MRPS27: variants seen among roughly 807,000 people sequenced by gnomAD.
The protein encoded by MRPS27 is small ribosomal subunit protein mS27.
A neutral mutation model predicts 48.9 loss-of-function variants in MRPS27; 43 were observed. That is an observed-to-expected ratio of 0.88 (90% CI 0.69 to 1.13). The LOEUF (loss-of-function observed/expected upper bound fraction) is 1.13, where lower values mean the gene tolerates loss of function less well. MRPS27 is among the 50% of genes most tolerant of loss of function. The pLI is 0.00. For synonymous variants in MRPS27, 188 were observed against 171.9 expected (o/e 1.09, Z -0.73); for missense variants, 467 against 476.3 (o/e 0.98, Z 0.18).
chr5:72,311,014 T>C lies in MRPS27; in HGVS notation c.151+3067A>G, dbSNP rs548866702. 2.4e-3 allele frequency among the ~76,000 whole-genome samples: 358 copies of C among 152,044 alleles called. 1 individual carries two copies. The highest frequency in any genetic ancestry group is 8.3e-3 in the African/African-American group (345 of 41,474). On this transcript the variant is annotated intron_variant, in intron 2 of 10. Transcript: ENST00000261413. The stretch of plus-strand genomic sequence containing the variant: ...GGAATATTCTATTTAAAAAAAGAGA[T>C]TGGGTTCTTTAAAAATATATAGGAC...
chr5:72,319,964 A>T (rs1366884394), intron 1 of MRPS27, 185 bp downstream of exon 1: 21 of 640,728 alleles, frequency 3.3e-5, no homozygotes, highest in Non-Finnish European at 5.3e-5. Flanking sequence ...GGACAGGAAC[A>T]TACTGTTATT....
Position 72,261,152 on chromosome 5 carries a change from T to C in MRPS27, c.282-23024A>G, listed in dbSNP as rs529553780. 1.1e-4 allele frequency among the ~76,000 whole-genome samples: 16 copies of C among 152,272 alleles called. No individual in the cohort carries two copies. In the South Asian group the frequency reaches 3.3e-3, roughly 32 times the overall value. ...TGCTGGGATTACAGGTGTGAGCCACTGCAACTGGCCAATCACTACATTTAA... is the reference window on the plus strand; with the variant it reads ...TGCTGGGATTACAGGTGTGAGCCACCGCAACTGGCCAATCACTACATTTAA... On this transcript the variant is annotated intron_variant, in intron 4 of 10. Coordinates refer to ENST00000261413, the MANE Select transcript of MRPS27 (RefSeq NM_015084.3).
intron 4 of MRPS27, among the ~76,000 whole-genome samples, chr5:72,269,564 G>C (rs62364774): frequency 0.23 from 35,383 of 152,218 alleles, 5,247 homozygotes; most frequent in Non-Finnish European, 0.33. Context: ...ATCAGTGGAA[G>C]AGCAGAGAAA....
Position 72,266,988 on chromosome 5 carries a change from C to A in MRPS27, c.281+28543G>T. 1.3e-5 allele frequency among the ~76,000 whole-genome samples: 2 copies of A among 152,162 alleles called. 1 individual carries two copies. Among genetic ancestry groups the A allele is most frequent in the Non-Finnish European group, 2.9e-5 (2 of 68,022 alleles). On this transcript the variant is annotated intron_variant, in intron 4 of 10. Coordinates refer to ENST00000261413, the MANE Select transcript of MRPS27 (RefSeq NM_015084.3). ...AATCTTCCCAAAGTGAGGCTCAGGG[C>A]TTCAGAGATGGCTATCTACAGAGCA... is the stretch of plus-strand genomic sequence containing the variant.
At chr5:72,319,537 C>CTTTT (rs35020848) in intron 1 of MRPS27, among the ~76,000 whole-genome samples, 7 of 84,214 alleles carry the variant, frequency 8.3e-5, no homozygotes, top group South Asian at 4.1e-4. Flanking sequence ...TAGGTTTTTC[C>CTTTT]TTTTTTTTTT....
intron 4 of MRPS27, among the ~76,000 whole-genome samples, chr5:72,283,611 G>A (rs1296240525): frequency 6.6e-6 from 1 of 152,146 alleles, no homozygotes; most frequent in East Asian, 1.9e-4. Flanking sequence ...AAGACCCAAT[G>A]GGTATGTTTT....
intron 2 of MRPS27, among the ~76,000 whole-genome samples, chr5:72,305,280 G>A (rs1407710162): frequency 1.3e-5 from 2 of 152,142 alleles, no homozygotes; most frequent in African/African-American, 4.8e-5. Flanking sequence ...ATGAATAGAT[G>A]CCACAGAGAT....
intron 4 of MRPS27, 72 bp from the exon 5 acceptor site, chr5:72,238,200 T>G (rs1748255631): frequency 2.0e-6 from 2 of 1,000,548 alleles, no homozygotes; most frequent in African/African-American, 3.2e-5. Context: ...CATCGATAGG[T>G]CCTTCTCTTA....
At chr5:72,237,137 G>A (rs571734255) in intron 5 of MRPS27, among the ~76,000 whole-genome samples, 2 of 151,978 alleles carry the variant, frequency 1.3e-5, no homozygotes, top group Admixed American at 6.6e-5. Flanking sequence ...CATGTGCCAC[G>A]GTGCCTGGCC....
intron 4 of MRPS27, among the ~76,000 whole-genome samples, chr5:72,283,564 T>G (rs769387254): frequency 6.6e-6 from 1 of 152,194 alleles, no homozygotes; most frequent in African/African-American, 2.4e-5. Flanking sequence ...AGAGGTCATC[T>G]GGTCTAAAAT....
In MRPS27 at chr5:72,255,061, C is replaced by CAA. The variant is rs1204554141; in HGVS notation, c.282-16934_282-16933insTT. Among the ~76,000 whole-genome samples the CAA allele has an allele frequency of 3.9e-4, 35 of 88,874 alleles. 1 individual carries two copies. The East Asian group carries it at 0.012, about 30-fold the overall frequency. The allele number at this position is 88,874 out of a possible 152,430, so 58.3% of individuals were successfully genotyped here. A position where few individuals can be genotyped will look rare whatever the true frequency, so the allele number is the denominator to read the frequency against. Reference sequence around the variant, plus strand: ...TTTTTTTTTTTTTTTTTTTTTGAGACAGAGTCTTACTCTGTTGCCCAGGCT... The same window carrying CAA: ...TTTTTTTTTTTTTTTTTTTTTGAGACAAAGAGTCTTACTCTGTTGCCCAGGCT... On this transcript the variant is annotated intron_variant, in intron 4 of 10. Transcript: ENST00000261413.
At position 72,242,749 on chromosome 5, in the gene MRPS27, GA is replaced by G. The variant is rs199660592; in HGVS notation, c.282-4622del. ...ACACATACACACCAAAAATAGGGGG[GA>G]AAAAAAAGGAAAATATAGCCTTTCT... On this transcript the variant is annotated intron_variant, in intron 4 of 10. Coordinates refer to ENST00000261413, the MANE Select transcript of MRPS27 (RefSeq NM_015084.3). 9.9e-3 allele frequency among the ~76,000 whole-genome samples: 1,489 copies of G among 150,206 alleles called. 22 individuals are homozygous for G. The highest frequency in any genetic ancestry group is 0.034 in the African/African-American group (1,392 of 40,514).
chr5:72,220,987 C>T lies in MRPS27; in HGVS notation c.1167G>A (p.Leu389=). 2 of 1,614,162 alleles carry T rather than the reference C, an allele frequency of 1.2e-6. No homozygotes were observed. The highest frequency in any genetic ancestry group is 1.1e-5 in the South Asian group (1 of 91,084). Reference sequence around the variant, plus strand: ...CCCTCTGTTGCTGTTCTCTCTGGATCAACTGTACAAGGTCTAGATGCCACT... The same window carrying T: ...CCCTCTGTTGCTGTTCTCTCTGGATTAACTGTACAAGGTCTAGATGCCACT... ...LQQWHLDLVQ[L]IQREQQQREQ... is the part of the protein sequence containing the mutation. The change falls in exon 11 of 11, where the codon TTG becomes TTA. Residue 389 remains leucine (L), a synonymous_variant. Coordinates refer to ENST00000261413, the MANE Select transcript of MRPS27 (RefSeq NM_015084.3).
At chr5:72,222,558 G>A (rs1312586097) in intron 10 of MRPS27, 1 of 152,190 alleles carries the variant, frequency 6.6e-6, no homozygotes, top group Non-Finnish European at 1.5e-5. Context: ...AACAAGAGAA[G>A]GAAGTTTTAA....
chr5:72,269,374 T>A (rs961419251), intron 4 of MRPS27, among the ~76,000 whole-genome samples: 4 of 152,116 alleles, frequency 2.6e-5, no homozygotes, highest in Non-Finnish European at 5.9e-5. Context: ...GAGGAGGAAA[T>A]GTATATTCAA....
intron 7 of MRPS27, among the ~76,000 whole-genome samples, chr5:72,230,827 A>T (rs1444863906): frequency 6.6e-6 from 1 of 152,156 alleles, no homozygotes; most frequent in Non-Finnish European, 1.5e-5. Flanking sequence ...GCATCCAGAC[A>T]TATGAGTCAG....
rs375961637 is a variant in MRPS27, at chr5:72,238,002, G to A, written c.396+12C>T. 3.0e-5 allele frequency: 47 copies of A among 1,586,586 alleles called. No homozygotes were observed. The highest frequency in any genetic ancestry group is 2.7e-4 in the Admixed American group (16 of 59,828). ...TCAGGAAAACAGGCTGCAGATCCAC[G>A]GAACAACTCACCTTATTTACAAGGG... On this transcript the variant is annotated intron_variant, in intron 5 of 10. Transcript: ENST00000261413.
At chr5:72,298,579 G>A (rs1405797610) in intron 2 of MRPS27, among the ~76,000 whole-genome samples, 6 of 151,852 alleles carry the variant, frequency 4.0e-5, no homozygotes, top group Admixed American at 6.6e-5. Context: ...GGTGGCGGGC[G>A]CCTGTAGTCC....
intron 4 of MRPS27, 35 bp downstream of exon 4, chr5:72,295,494 TCA>T (rs1168070144): frequency 8.6e-6 from 13 of 1,506,980 alleles, no homozygotes; most frequent in East Asian, 2.3e-5. Flanking sequence ...GGGTGTGAAA[TCA>T]CAGAGTACAT....
Sources: gnomAD v4.1 joint callset for allele counts (sites outside exome capture counted in the v4.1 genomes callset) on GRCh38, gnomAD v4.1.1 for gene constraint, MANE v1.5 for transcripts, NCBI Gene and HGNC (gene_info 2026-07-23, HGNC 2026-07-21) for gene names.